The following A2ML1 variants were observed in gnomAD, a reference collection of about 807,000 sequenced individuals.
A2ML1 encodes alpha-2-macroglobulin like 1, also known as alpha-2-macroglobulin-like protein 1.
Under a neutral mutation model 181.9 loss-of-function variants are expected in A2ML1, and 161 were observed. The observed-to-expected ratio is 0.89, with a 90% CI of 0.78 to 1.01. The LOEUF is 1.01. A2ML1 is among the 50% of genes least tolerant of loss of function. The pLI, the probability that A2ML1 is intolerant of heterozygous loss-of-function variation, is 0.00. For synonymous variants in A2ML1, 663 were observed against 666.8 expected (o/e 0.99, Z 0.09); for missense variants, 1,670 against 1,768.1 (o/e 0.94, Z 1.00).
chr12:8,824,233 T>G (rs956533552), intron 3 of A2ML1, among the ~76,000 whole-genome samples: 33 of 147,424 alleles, frequency 2.2e-4, no homozygotes, highest in African/African-American at 5.8e-4. Flanking sequence ...TTTTTTTTTT[T>G]TTTTTTTTTT....
chr12:8,857,300 G>A lies in A2ML1; in HGVS notation c.2985G>A (p.Thr995=), dbSNP rs773450242. The A allele has an allele frequency of 1.2e-4, 191 of 1,613,828 alleles. 3 individuals are homozygous for A. In the Middle Eastern group the frequency reaches 8.2e-3, roughly 69 times the overall value. The change falls in exon 24 of 36, where the codon ACG becomes ACA. Residue 995 remains threonine (T), a synonymous_variant. Coordinates refer to ENST00000299698, the MANE Select transcript of A2ML1 (RefSeq NM_144670.6). The stretch of plus-strand genomic sequence containing the variant: ...ACCTGGAGAAGGCAGGGCTGCTGAC[G>A]GAGGAGATCAGGTCTCGGGCAGTGG... The part of the protein sequence containing the change: ...LQYLEKAGLL[T]EEIRSRAVGF...
In A2ML1 at chr12:8,838,454, A is replaced by G. The variant is rs768824265; in HGVS notation, c.970+4A>G. 1 of 1,609,914 alleles carries G rather than the reference A, an allele frequency of 6.2e-7. No individual in the cohort carries two copies. The highest frequency in any genetic ancestry group is 1.1e-5 in the South Asian group (1 of 90,540). On this transcript the variant is annotated splice_donor_region_variant and intron_variant, in intron 9 of 35. Transcript: ENST00000299698. ...ACTGTTGTGGAGGAAGGGACAGGTA[A>G]GTAGGGTGCTCCTTGGCTCATTAAG...
chr12:8,849,727 A>T lies in A2ML1; in HGVS notation c.2087A>T (p.His696Leu), dbSNP rs1943823481. 14 of 1,614,102 alleles carry T rather than the reference A, an allele frequency of 8.7e-6. No homozygotes were observed. The highest frequency in any genetic ancestry group is 1.1e-5 in the Non-Finnish European group (13 of 1,180,040). ...ATCAAGAAGCCAGTAGATTGCAGTC[A>T]CAGATCTCCAGAATACAGCACTGCT... Reference protein sequence around the residue: ...AKIKKPVDCSHRSPEYSTAMG... With the variant: ...AKIKKPVDCSLRSPEYSTAMG... Residue 696 changes from histidine (H) to leucine (L), a missense_variant, in exon 17 of 36, where the codon CAC becomes CTC. His to Leu is a moderately conservative substitution (Grantham distance 99, BLOSUM62 -3). Coordinates refer to ENST00000299698, the MANE Select transcript of A2ML1 (RefSeq NM_144670.6).
Position 8,867,891 on chromosome 12 carries a change from A to G in A2ML1, c.3767A>G (p.Tyr1256Cys). 1 of 1,614,214 alleles carries G rather than the reference A, an allele frequency of 6.2e-7. No homozygotes were observed. The highest frequency in any genetic ancestry group is 8.5e-7 in the Non-Finnish European group (1 of 1,180,040). Reference sequence around the variant, plus strand: ...CTTGCCAAATATGCCACTACCGCCTACATGCCATCTGAGGAGATCAACCTG... The same window carrying G: ...CTTGCCAAATATGCCACTACCGCCTGCATGCCATCTGAGGAGATCAACCTG... ...QALAKYATTA[Y>C]MPSEEINLVV... The change falls in exon 30 of 36, where the codon TAC becomes TGC. Residue 1256 changes from tyrosine to cysteine, a missense_variant. By Grantham distance (194) the Tyr-to-Cys change is radical. Coordinates refer to ENST00000299698, the MANE Select transcript of A2ML1 (RefSeq NM_144670.6).
At chr12:8,835,127 A>G (rs941006440) in intron 5 of A2ML1, among the ~76,000 whole-genome samples, 14 of 152,210 alleles carry the variant, frequency 9.2e-5, no homozygotes, top group African/African-American at 3.1e-4. Context: ...TAAATCACCC[A>G]TGTTTTAGGT....
chr12:8,828,539 T>G (rs1231672177), intron 3 of A2ML1, among the ~76,000 whole-genome samples: 1 of 152,088 alleles, frequency 6.6e-6, no homozygotes, highest in Admixed American at 6.5e-5. Flanking sequence ...AGAAATGGCA[T>G]CCAAGAGCCA....
intron 11 of A2ML1, among the ~76,000 whole-genome samples, chr12:8,842,111 A>T (rs763152791): frequency 6.6e-6 from 1 of 152,190 alleles, no homozygotes; most frequent in African/African-American, 2.4e-5. Context: ...CATGCCTCTC[A>T]TGCAGGAGCC....
rs369454535 is a variant in A2ML1 at position 8,829,812 on chromosome 12, G to A, written c.462+33G>A. 2.8e-5 allele frequency: 45 copies of A among 1,613,000 alleles called. No individual in the cohort carries two copies. The African/African-American group carries it at 5.5e-4, about 20-fold the overall frequency. Reference sequence around the variant, plus strand: ...GGGAGGAGGAGAAGGAGTGGCGCAGGGAGAACAGGGAAAAGGATGAGAGAT... The same window carrying A: ...GGGAGGAGGAGAAGGAGTGGCGCAGAGAGAACAGGGAAAAGGATGAGAGAT... On this transcript the variant is annotated intron_variant, in intron 4 of 35. Transcript: ENST00000299698.
At chr12:8,842,221 CTTTT>C (rs763862924) in intron 11 of A2ML1, among the ~76,000 whole-genome samples, 1 of 143,108 alleles carries the variant, frequency 7.0e-6, no homozygotes, top group Admixed American at 7.0e-5. Flanking sequence ...ATGTTTTTTT[CTTTT>C]TTTTTTTTTT....
At chr12:8,847,841 GT>G in intron 15 of A2ML1, 143 bp downstream of exon 15, 1 of 1,177,746 alleles carries the variant, frequency 8.5e-7, no homozygotes, top group Non-Finnish European at 1.1e-6. Context: ...TGAAAATGAA[GT>G]TAGAAAGTGT....
Position 8,838,426 on chromosome 12 carries a change from G to T in A2ML1, c.946G>T (p.Ala316Ser). 6.2e-7 allele frequency: 1 copy of T among 1,613,728 alleles called. No individual in the cohort carries two copies. Among genetic ancestry groups the T allele is most frequent in the Non-Finnish European group, 8.5e-7 (1 of 1,179,834 alleles). The change falls in exon 9 of 36, where the codon GCT (alanine) becomes TCT (serine). Residue 316 changes from alanine to serine, a missense_variant. Physicochemically the swap from Ala to Ser is moderately conservative, Grantham distance 99 (BLOSUM62 1). Coordinates refer to ENST00000299698, the MANE Select transcript of A2ML1 (RefSeq NM_144670.6). ...YAYSHQINIV[A>S]TVVEEGTGVE... ...GTACAGCCATCAAATCAATATTGTG[G>T]CTACTGTTGTGGAGGAAGGGACAGG...
chr12:8,832,030 G>A (rs1943132427), intron 4 of A2ML1, among the ~76,000 whole-genome samples: 1 of 152,318 alleles, frequency 6.6e-6, no homozygotes, highest in East Asian at 1.9e-4. Context: ...GATTACAGGC[G>A]TGAGCCACCG....
In A2ML1 at chr12:8,863,988, G is replaced by T. The variant is rs375981985; in HGVS notation, c.3697G>T (p.Gly1233Trp). The change falls in exon 29 of 36, where the codon GGG becomes TGG. Residue 1233 changes from glycine to tryptophan, a missense_variant. Coordinates refer to ENST00000299698, the MANE Select transcript of A2ML1 (RefSeq NM_144670.6). Reference protein sequence around the residue: ...AWLAKQHNAYGGFSSTQDTVV... With the variant: ...AWLAKQHNAYWGFSSTQDTVV... ...GTTGGCCAAGCAACACAATGCATAT[G>T]GGGGCTTCTCTTCTACTCAGGTAAA... 2 of 1,612,102 alleles carry T rather than the reference G, an allele frequency of 1.2e-6. No individual in the cohort carries two copies. The highest frequency in any genetic ancestry group is 2.2e-5 in the South Asian group (2 of 90,860).
In A2ML1 at chr12:8,851,663, C is replaced by T. The variant is rs1249239320; in HGVS notation, c.2235-121C>T. 42 of 911,652 alleles carry T rather than the reference C, an allele frequency of 4.6e-5. No individual in the cohort carries two copies. In the Admixed American group the frequency reaches 9.0e-4, roughly 20 times the overall value. 56.5% of individuals were successfully genotyped at this position (911,652 alleles called of 1,614,324 possible). A position where few individuals can be genotyped will look rare whatever the true frequency, so the allele number is the denominator to read the frequency against. On this transcript the variant is annotated intron_variant, in intron 18 of 35. Transcript: ENST00000299698. The stretch of plus-strand genomic sequence containing the variant: ...TGAAGCTATCTGCTCACCTCAGCCT[C>T]TCAAAGAGCTGGGATTACAAGTGTA...
Position 8,840,978 on chromosome 12 carries a change from A to AGAAGGAAGGAAGGAAGGAAG in A2ML1, c.1081-376_1081-357dup, listed in dbSNP as rs71045213. ...AGGAAGGAAGGAAAGAAGGAAGGAA[A>AGAAGGAAGGAAGGAAGGAAG]GAAGGAAGGAAGGAAGGAAGGAAGG... On this transcript the variant is annotated intron_variant, in intron 10 of 35. Transcript: ENST00000299698. Among the ~76,000 whole-genome samples the AGAAGGAAGGAAGGAAGGAAG allele has an allele frequency of 3.9e-3, 489 of 125,320 alleles. 4 individuals carry two copies. The highest frequency in any genetic ancestry group is 0.014 in the African/African-American group (453 of 31,300). 82.2% of individuals were successfully genotyped at this position (125,320 alleles called of 152,430 possible).
At chr12:8,823,641 A>T in intron 2 of A2ML1, 79 bp from the exon 3 acceptor site, 1 of 1,479,866 alleles carries the variant, frequency 6.8e-7, no homozygotes, top group Non-Finnish European at 9.1e-7. Context: ...CTTTCCTTTA[A>T]CTCACTGTTG....
Position 8,857,615 on chromosome 12 carries a change from T to G in A2ML1, c.3107+27T>G. ...TAATATCACCCAATTCCCAATGAGTTCTGTACTCCAGAGCATAATTCCTGA... is the reference window on the plus strand; with the variant it reads ...TAATATCACCCAATTCCCAATGAGTGCTGTACTCCAGAGCATAATTCCTGA... On this transcript the variant is annotated intron_variant, in intron 25 of 35. Transcript: ENST00000299698. The G allele has an allele frequency of 3.1e-6, 5 of 1,598,816 alleles. No homozygotes were observed. In the South Asian group the frequency reaches 5.6e-5, roughly 18 times the overall value.
At chr12:8,851,597 G>A (rs1172557324) in intron 18 of A2ML1, among the ~76,000 whole-genome samples, 187 bp from the exon 19 acceptor site, 3 of 152,048 alleles carry the variant, frequency 2.0e-5, no homozygotes, top group Admixed American at 6.6e-5. Flanking sequence ...GTAGAAATAG[G>A]GTCTTGCTAT....
intron 18 of A2ML1, among the ~76,000 whole-genome samples, chr12:8,851,151 G>A (rs763697419): frequency 2.6e-5 from 4 of 152,068 alleles, no homozygotes; most frequent in Non-Finnish European, 4.4e-5. Context: ...ACATTTAAAG[G>A]TATATATTGA....
Sources: gnomAD v4.1 joint callset for allele counts (sites outside exome capture counted in the v4.1 genomes callset) on GRCh38, gnomAD v4.1.1 for gene constraint, MANE v1.5 for transcripts, NCBI Gene and HGNC (gene_info 2026-07-23, HGNC 2026-07-21) for gene names.